The following ADAMTS13 variants were observed in gnomAD, a reference collection of about 807,000 sequenced individuals.
ADAMTS13 encodes the protein A disintegrin and metalloproteinase with thrombospondin motifs 13.
A neutral mutation model predicts 155.1 loss-of-function variants in ADAMTS13; 110 were observed. The observed-to-expected ratio is 0.71, with a 90% CI of 0.61 to 0.83. The LOEUF is 0.83. Ranked by LOEUF, ADAMTS13 falls within the 40% of genes least tolerant of loss-of-function variation. The probability of loss-of-function intolerance (pLI) is 0.00; values close to 1 mark genes in which losing one functional copy is unlikely to be tolerated. For missense variants in ADAMTS13, 1,707 were observed against 1,891.7 expected (o/e 0.90, Z 1.81); for synonymous variants, 758 against 756.4 (o/e 1.00, Z -0.03).
chr9:133,432,454 C>A, intron 8 of ADAMTS13, 134 bp from the exon 9 acceptor site: 1 of 787,760 alleles, frequency 1.3e-6, no homozygotes, highest in Non-Finnish European at 2.1e-6. Context: ...CCTCTGAGGG[C>A]ACCAGTGCCC....
Position 133,425,508 on chromosome 9 carries a change from C to G in ADAMTS13, c.331-21C>G, listed in dbSNP as rs1840221898. ...GCAATGCCCACCCGACGGGTTACCT[C>G]TCTCATCTGCCCTTGCACAGGGGGC... On this transcript the variant is annotated intron_variant, in intron 3 of 28. Transcript: ENST00000355699. This position sits in a 1 kb window ranked among gnomAD's most constrained non-coding sequence, Gnocchi z 4.6. 6.2e-7 allele frequency: 1 copy of G among 1,608,844 alleles called. No homozygotes were observed. The highest frequency in any genetic ancestry group is 8.5e-7 in the Non-Finnish European group (1 of 1,178,104).
At chr9:133,444,466 C>A (rs1237912160) in intron 19 of ADAMTS13, among the ~76,000 whole-genome samples, 1 of 152,156 alleles carries the variant, frequency 6.6e-6, no homozygotes, top group Non-Finnish European at 1.5e-5. Context: ...GCCACCAAGC[C>A]CAACTAATTT....
At position 133,459,188 on chromosome 9, in the gene ADAMTS13, T is replaced by C; in HGVS notation, c.*8T>C. ...GGAAAGGAAGGAACCTGAGGGTCAT[T>C]GAACATTTGTTCCGTGTCTGGCCAG... On this transcript the variant is annotated 3_prime_UTR_variant, in exon 29 of 29. Coordinates refer to ENST00000355699, the MANE Select transcript of ADAMTS13 (RefSeq NM_139027.6). 5.0e-6 allele frequency: 8 copies of C among 1,602,200 alleles called. No homozygotes were observed. The highest frequency in any genetic ancestry group is 6.8e-6 in the Non-Finnish European group (8 of 1,174,354).
intron 1 of ADAMTS13, 92 bp downstream of exon 1, chr9:133,422,640 C>G: frequency 8.6e-6 from 11 of 1,272,266 alleles, no homozygotes; most frequent in South Asian, 1.2e-5. Flanking sequence ...AAATAGCTGA[C>G]TACATCAGCT....
chr9:133,426,160 G>A, intron 5 of ADAMTS13, 39 bp from the exon 6 acceptor site: 3 of 1,614,008 alleles, frequency 1.9e-6, no homozygotes, highest in Non-Finnish European at 2.5e-6. Context: ...GCAGGCACGT[G>A]CCTTGGCACC....
rs782466905 is a variant in ADAMTS13 at position 133,444,962 on chromosome 9, T to C, written c.2520T>C (p.Ala840=). The part of the protein sequence containing the change: ...TCVPGADGLE[A]PVTEGPGSVD... The stretch of plus-strand genomic sequence containing the variant: ...TGCCAGGGGCAGATGGCCTGGAGGC[T>C]CCAGTGACTGAGGGGCCTGGCTCCG... Residue 840 remains alanine (A), a synonymous_variant, in exon 20 of 29, where the codon GCT becomes GCC. Transcript: ENST00000355699. The C allele has an allele frequency of 7.4e-6, 12 of 1,613,492 alleles. No individual in the cohort carries two copies. The highest frequency in any genetic ancestry group is 9.3e-6 in the Non-Finnish European group (11 of 1,180,016).
At chr9:133,429,885 C>G in intron 7 of ADAMTS13, 54 bp from the exon 8 acceptor site, 1 of 1,533,392 alleles carries the variant, frequency 6.5e-7, no homozygotes, top group East Asian at 2.5e-5. Context: ...CGTCCCGCCT[C>G]CTCCCGGTGT....
intron 25 of ADAMTS13, 92 bp downstream of exon 25, chr9:133,455,527 C>G: frequency 6.2e-7 from 1 of 1,611,198 alleles, no homozygotes; most frequent in Non-Finnish European, 8.5e-7. Flanking sequence ...GGTCCCAGGC[C>G]CGGGGCCTGC....
upstream of ADAMTS13, chr9:133,418,152 G>A: frequency 2.4e-6 from 1 of 422,178 alleles, no homozygotes; most frequent in Non-Finnish European, 4.2e-6. Flanking sequence ...AGCGGCATCC[G>A]GGGTCATCGA....
chr9:133,443,432 AGCGGCCAGTGCGCT>A lies in ADAMTS13; in HGVS notation c.2295_2308del (p.Pro766GlyfsTer74). The A allele has an allele frequency of 6.3e-7, 1 of 1,596,408 alleles. No homozygotes were observed. The highest frequency in any genetic ancestry group is 8.5e-7 in the Non-Finnish European group (1 of 1,176,736). ...GCCTCCTGTGGGGGTGGCCTGCGGGAGCGGCCAGTGCGCTGCGTGGAGGCCCAGGGCAGCCTCCT... is the reference window on the plus strand; with the variant it reads ...GCCTCCTGTGGGGGTGGCCTGCGGGAGCGTGGAGGCCCAGGGCAGCCTCCT... On this transcript the variant is annotated frameshift_variant, in exon 19 of 29. Transcript: ENST00000355699. LOFTEE classifies it high-confidence loss of function.
chr9:133,455,000 G>A (rs1564443572), intron 24 of ADAMTS13, among the ~76,000 whole-genome samples: 1 of 152,184 alleles, frequency 6.6e-6, no homozygotes, highest in Non-Finnish European at 1.5e-5. Flanking sequence ...ACAGCAGACA[G>A]AGATGAGCCG....
At chr9:133,415,361 G>A (rs1839517964) in intron 1 of ADAMTS13, among the ~76,000 whole-genome samples, 1 of 151,542 alleles carries the variant, frequency 6.6e-6, no homozygotes, top group Non-Finnish European at 1.5e-5. Flanking sequence ...AAGAATTTTG[G>A]AGTTAACTTC....
At chr9:133,416,146 T>A (rs907373473) in intron 1 of ADAMTS13, among the ~76,000 whole-genome samples, 1 of 152,150 alleles carries the variant, frequency 6.6e-6, no homozygotes, top group Non-Finnish European at 1.5e-5. Context: ...AAGCTTCCCA[T>A]CATGGTGTAA....
At chr9:133,434,958 C>G (rs970611012) in intron 11 of ADAMTS13, among the ~76,000 whole-genome samples, 15 of 152,178 alleles carry the variant, frequency 9.9e-5, no homozygotes, top group African/African-American at 3.6e-4. Context: ...CCTGTGTCAG[C>G]GCCTCATTCC....
intron 21 of ADAMTS13, among the ~76,000 whole-genome samples, chr9:133,447,431 C>T (rs917652121): frequency 2.0e-5 from 3 of 152,132 alleles, no homozygotes; most frequent in Admixed American, 2.0e-4. Context: ...AGCTACTATA[C>T]CCTGCTAATT....
At chr9:133,450,872 A>G (rs919994413) in intron 23 of ADAMTS13, among the ~76,000 whole-genome samples, 1 of 152,234 alleles carries the variant, frequency 6.6e-6, no homozygotes, top group African/African-American at 2.4e-5. Flanking sequence ...TTTAAGCACC[A>G]TGCAGGCAGG....
intron 1 of ADAMTS13, among the ~76,000 whole-genome samples, chr9:133,416,461 C>G (rs1196921158): frequency 6.6e-6 from 1 of 152,200 alleles, no homozygotes; most frequent in Non-Finnish European, 1.5e-5. Flanking sequence ...GATCCTCCTG[C>G]CTGGGCCTCC....
intron 19 of ADAMTS13, among the ~76,000 whole-genome samples, chr9:133,444,649 A>AT (rs1841930289): frequency 6.6e-6 from 1 of 152,132 alleles, no homozygotes; most frequent in East Asian, 1.9e-4. Context: ...ACTGTTGAGC[A>AT]GCGAGTGCTT....
rs782392744 is a variant in ADAMTS13, at chr9:133,437,848, G to A, written c.1535G>A (p.Gly512Asp). The change falls in exon 13 of 29, where the codon GGC (glycine) becomes GAC (aspartate). Residue 512 changes from glycine to aspartate, a missense_variant. Gly to Asp is a moderately conservative substitution (Grantham distance 94). This residue lies in a region of ADAMTS13 where 733 missense variants were observed against 749.6 expected (regional missense o/e 0.98). Transcript: ENST00000355699. ...GATGGGACCCGGTGTATGCCAAGTG[G>A]CCCCCGGGAGGACGGGACCCTGAGC... is the stretch of plus-strand genomic sequence containing the variant. ...FLDGTRCMPS[G>D]PREDGTLSLC... 9.9e-6 allele frequency: 16 copies of A among 1,613,804 alleles called. No homozygotes were observed. The highest frequency in any genetic ancestry group is 1.3e-5 in the Non-Finnish European group (15 of 1,180,032).
Sources: gnomAD v4.1 joint callset for allele counts (sites outside exome capture counted in the v4.1 genomes callset) on GRCh38, gnomAD v4.1.1 for gene constraint, gnomAD v4.1.1 regional missense constraint, Gnocchi (gnomAD v3.1) non-coding constraint, MANE v1.5 for transcripts, NCBI Gene and HGNC (gene_info 2026-07-23, HGNC 2026-07-21) for gene names.